Variants in TTN observed in about 807,000 individuals in gnomAD.
TTN encodes connectin.
Under a neutral mutation model 3,223.0 loss-of-function variants are expected in TTN, and 1,525 were observed. The ratio of observed to expected loss-of-function variants is 0.47; its 90% CI spans 0.45 to 0.49. TTN has a LOEUF of 0.49. TTN is among the 20% of genes least tolerant of loss of function. The pLI is 0.00. For missense variants in TTN, 40,786 were observed against 43,424.0 expected, an observed-to-expected ratio of 0.94 and a Z score of 5.40; for synonymous variants, 14,094 against 15,161.0, an observed-to-expected ratio of 0.93 and a Z score of 5.17.
intron 43 of TTN, among the ~76,000 whole-genome samples, chr2:178,762,417 TTC>T (rs1469342819): frequency 6.6e-6 from 1 of 152,214 alleles, no homozygotes. Flanking sequence ...AGTGAAATTT[TTC>T]TCTTTCTACC....
At chr2:178,600,796 G>T in intron 288 of TTN, 58 bp downstream of exon 288, 2 of 1,595,444 alleles carry the variant, frequency 1.3e-6, no homozygotes, top group South Asian at 2.2e-5. Context: ...AACTATTATT[G>T]AACACCTAGG....
intron 13 of TTN, among the ~76,000 whole-genome samples, chr2:178,788,043 T>C (rs2093297682): frequency 1.3e-5 from 2 of 152,104 alleles, no homozygotes; most frequent in Non-Finnish European, 2.9e-5. Flanking sequence ...GGACTGAATC[T>C]AACCATCTCT....
chr2:178,597,872 T>C (rs1247573944), intron 293 of TTN, 36 bp downstream of exon 293: 1 of 1,612,836 alleles, frequency 6.2e-7, no homozygotes, highest in Non-Finnish European at 8.5e-7. Context: ...ATCTGAAACA[T>C]AAATACTGAT....
chr2:178,764,203 C>T lies in TTN; in HGVS notation c.10088G>A (p.Arg3363His), dbSNP rs148169214. Residue 3363 changes from arginine (R) to histidine (H), a missense_variant, in exon 43 of 363, where the codon CGT (arginine) becomes CAT (histidine). By Grantham distance (29) the Arg-to-His change is conservative. Transcript: ENST00000589042. ...DTVTSEGQPA[R>H]FQCRVSGTDL... The stretch of plus-strand genomic sequence containing the variant: ...TGTTCCAGAAACCCGGCATTGAAAA[C>T]GGGCTGGCTGCCCTTCAGAAGTGAC... 1.5e-4 allele frequency: 246 copies of T among 1,614,058 alleles called. 1 individual carries two copies. In the African/African-American group the frequency reaches 2.5e-3, roughly 16 times the overall value.
In TTN at chr2:178,697,113, T is replaced by C. The variant is rs2073880507; in HGVS notation, c.30802+8A>G. On this transcript the variant is annotated splice_region_variant and intron_variant, in intron 113 of 362. Coordinates refer to ENST00000589042, the MANE Select transcript of TTN (RefSeq NM_001267550.2). ...TAAACAGAATAAAAATAATTTATCTTTATTTACCTTTTGCTGGAATTAAGG... is the reference window on the plus strand; with the variant it reads ...TAAACAGAATAAAAATAATTTATCTCTATTTACCTTTTGCTGGAATTAAGG... 10 of 1,542,648 alleles carry C rather than the reference T, an allele frequency of 6.5e-6. No homozygotes were observed. The East Asian group carries it at 2.4e-4, about 38-fold the overall frequency.
Position 178,688,234 on chromosome 2 carries a change from A to G in TTN, c.32198-10T>C, listed in dbSNP as rs371121439. ...TCCTCCTCTGCAGATACTTTAAAAGATAAGGTTTCATTTAAATTCAGCCTG... is the reference window on the plus strand; with the variant it reads ...TCCTCCTCTGCAGATACTTTAAAAGGTAAGGTTTCATTTAAATTCAGCCTG... On this transcript the variant is annotated splice_polypyrimidine_tract_variant and intron_variant, in intron 126 of 362. Coordinates refer to ENST00000589042, the MANE Select transcript of TTN (RefSeq NM_001267550.2). 95 of 1,609,456 alleles carry G rather than the reference A, an allele frequency of 5.9e-5. No homozygotes were observed. The highest frequency in any genetic ancestry group is 7.7e-5 in the Non-Finnish European group (91 of 1,177,852).
intron 47 of TTN, chr2:178,749,248 A>G: frequency 1.9e-6 from 3 of 1,611,868 alleles, no homozygotes; most frequent in Middle Eastern, 3.3e-4. Context: ...CACTGAAATC[A>G]TCAACAAATG....
At chr2:178,640,501 G>A (rs2154237953) in intron 221 of TTN, 40 bp downstream of exon 221, 1 of 1,519,138 alleles carries the variant, frequency 6.6e-7, no homozygotes, top group Non-Finnish European at 9.1e-7. Flanking sequence ...ATACATATTT[G>A]CATTTTTAGA....
intron 13 of TTN, among the ~76,000 whole-genome samples, chr2:178,786,456 C>T (rs1274499189): frequency 1.3e-5 from 2 of 152,142 alleles, no homozygotes; most frequent in Non-Finnish European, 2.9e-5. Flanking sequence ...TCCAGGCAGA[C>T]AATCAATCAG....
rs1481423713 is a variant in TTN, at chr2:178,722,661, T to C, written c.22238A>G (p.Gln7413Arg). The C allele has an allele frequency of 2.5e-6, 4 of 1,603,888 alleles. No homozygotes were observed. In the East Asian group the frequency reaches 9.0e-5, roughly 36 times the overall value. Reference sequence around the variant, plus strand: ...TTTAATTTGTAAAATATCATCACCTTGAATTCTGAACACAGTCTTAGAAGA... The same window carrying C: ...TTTAATTTGTAAAATATCATCACCTCGAATTCTGAACACAGTCTTAGAAGA... ...TASSKTVFRI[Q>R]ERQLPPSFAR... Residue 7413 changes from glutamine (Q) to arginine (R), a missense_variant and splice_region_variant, in exon 76 of 363, where the codon CAA becomes CGA. Gln to Arg is a conservative substitution (Grantham distance 43). Coordinates refer to ENST00000589042, the MANE Select transcript of TTN (RefSeq NM_001267550.2).
chr2:178,728,093 G>C lies in TTN; in HGVS notation c.19714+17C>G. The C allele has an allele frequency of 6.5e-7, 1 of 1,537,736 alleles. No homozygotes were observed. Among genetic ancestry groups the C allele is most frequent in the Non-Finnish European group, 8.7e-7 (1 of 1,144,514 alleles). On this transcript the variant is annotated intron_variant, in intron 67 of 362. Transcript: ENST00000589042. ...CATTCGCAAGGAAGAATCAAGAAGA[G>C]GTAAAGAAATTCTAACCTTTCACAG...
rs879094573 is a variant in TTN at position 178,709,671 on chromosome 2, C to T, written c.28648G>A (p.Val9550Met). ...ATGCCTGCTTTCCTGACTTGCAGCACTAACGTGTTGTTCTTGAATGTTATT... is the reference window on the plus strand; with the variant it reads ...ATGCCTGCTTTCCTGACTTGCAGCATTAACGTGTTGTTCTTGAATGTTATT... ...CEITFKNNTL[V>M]LQVRKAGMND... The change falls in exon 99 of 363, where the codon GTG becomes ATG. Residue 9550 changes from valine to methionine, a missense_variant. Val to Met is a conservative substitution (Grantham distance 21). Coordinates refer to ENST00000589042, the MANE Select transcript of TTN (RefSeq NM_001267550.2). 6.2e-6 allele frequency: 10 copies of T among 1,613,806 alleles called. No homozygotes were observed. Among genetic ancestry groups the T allele is most frequent in the Non-Finnish European group, 8.5e-6 (10 of 1,179,838 alleles).
intron 349 of TTN, chr2:178,541,971 C>T (rs1044387122): frequency 3.0e-5 from 9 of 298,554 alleles, no homozygotes; most frequent in African/African-American, 1.7e-4. Flanking sequence ...TTCCTCTCTT[C>T]CTCCTTCCCT....
At chr2:178,702,989 C>A (rs1423019391) in intron 106 of TTN, among the ~76,000 whole-genome samples, 1 of 152,198 alleles carries the variant, frequency 6.6e-6, no homozygotes, top group Non-Finnish European at 1.5e-5. Context: ...TTAGGGAACA[C>A]AAACTTGATT....
intron 11 of TTN, 124 bp from the exon 12 acceptor site, chr2:178,790,239 A>G: frequency 1.0e-6 from 1 of 967,026 alleles, no homozygotes; most frequent in Non-Finnish European, 1.5e-6. Context: ...TAATTGCACT[A>G]AAATATATCA....
intron 326 of TTN, 102 bp from the exon 327 acceptor site, chr2:178,558,739 T>G: frequency 8.0e-7 from 1 of 1,247,870 alleles, no homozygotes. Context: ...ATGAAGGCCA[T>G]ATTTTTATGT....
In TTN at chr2:178,800,480, T is replaced by G. The variant is rs769469805; in HGVS notation, c.498A>C (p.Ala166=). Residue 166 remains alanine (A), a synonymous_variant, in exon 4 of 363, where the codon GCA becomes GCC. Coordinates refer to ENST00000589042, the MANE Select transcript of TTN (RefSeq NM_001267550.2). ...AATAGGTCCCTGAGTCCTCAGGGTA[T>G]GCTTCTGCAATCAGTAAGCTGTAGA... ...GDLYSLLIAE[A]YPEDSGTYSV... is the part of the protein sequence containing the mutation. 3 of 1,614,188 alleles carry G rather than the reference T, an allele frequency of 1.9e-6. No individual in the cohort carries two copies. The South Asian group carries it at 3.3e-5, about 18-fold the overall frequency.
chr2:178,724,219 G>A (rs2078946092), intron 72 of TTN, 41 bp downstream of exon 72: 1 of 1,586,196 alleles, frequency 6.3e-7, no homozygotes, highest in East Asian at 2.2e-5. Flanking sequence ...ACTTGTAAAA[G>A]GAATTTGCAT....
rs72650069 is a variant in TTN, at chr2:178,644,695, A to G, written c.40409-79T>C. ...TGATTAACTTTCTACTCCAAGAATC[A>G]AAACCAAGCTTTGCTTATAACCAGA... is the stretch of plus-strand genomic sequence containing the variant. On this transcript the variant is annotated intron_variant, in intron 217 of 362. Coordinates refer to ENST00000589042, the MANE Select transcript of TTN (RefSeq NM_001267550.2). 2.9e-3 allele frequency: 3,217 copies of G among 1,127,598 alleles called. 13 individuals are homozygous for G. The highest frequency in any genetic ancestry group is 3.5e-3 in the Non-Finnish European group (2,867 of 812,660). 69.8% of individuals were successfully genotyped at this position (1,127,598 alleles called of 1,614,324 possible).
Sources: gnomAD v4.1 joint callset for allele counts (sites outside exome capture counted in the v4.1 genomes callset) on GRCh38, gnomAD v4.1.1 for gene constraint, MANE v1.5 for transcripts, NCBI Gene and HGNC (gene_info 2026-07-23, HGNC 2026-07-21) for gene names.